Variants in RBFOX3 observed in about 807,000 individuals in gnomAD.
The protein encoded by RBFOX3 is RNA binding protein fox-1 homolog 3.
RBFOX3 carries 17 observed loss-of-function variants against 48.7 expected under a neutral mutation model. The ratio of observed to expected loss-of-function variants is 0.35; its 90% CI spans 0.24 to 0.52. The LOEUF is 0.52. Among genes scored for constraint, RBFOX3 ranks in the 20% least tolerant of loss-of-function variants. RBFOX3 has a pLI of 0.94. For missense variants in RBFOX3, 382 were observed against 497.5 expected (o/e 0.77, Z 2.21); for synonymous variants, 212 against 209.5 (o/e 1.01, Z -0.10).
chr17:79,618,764 T>C, the RBFOX3 span, among the ~76,000 whole-genome samples: 1 of 152,160 alleles, frequency 6.6e-6, no homozygotes, highest in African/African-American at 2.4e-5. Flanking sequence ...GTGTTTACAA[T>C]TGTGTAGGCA....
chr17:79,337,398 C>G (rs553636319), intron 2 of RBFOX3, among the ~76,000 whole-genome samples: 2 of 149,426 alleles, frequency 1.3e-5, no homozygotes, highest in Non-Finnish European at 2.9e-5. Flanking sequence ...AATGCACTCT[C>G]GTGTGTTTGC....
chr17:79,190,594 A>G (rs2146456230), intron 4 of RBFOX3, among the ~76,000 whole-genome samples: 1 of 151,934 alleles, frequency 6.6e-6, no homozygotes. Context: ...GAAGCTCTCC[A>G]CTGGGGGAGA....
chr17:79,605,247 G>T (rs2093800002), intron 1 of RBFOX3, among the ~76,000 whole-genome samples: 1 of 152,250 alleles, frequency 6.6e-6, no homozygotes, highest in African/African-American at 2.4e-5. Context: ...TGGCACACAG[G>T]ATTCTCCGCT....
intron 2 of RBFOX3, among the ~76,000 whole-genome samples, chr17:79,439,980 T>C (rs1447042273): frequency 6.6e-6 from 1 of 152,156 alleles, no homozygotes; most frequent in African/African-American, 2.4e-5. Context: ...GACGCAGGAA[T>C]GGCATCAAGC....
intron 4 of RBFOX3, among the ~76,000 whole-genome samples, chr17:79,187,814 G>A (rs1180771640): frequency 2.0e-5 from 3 of 152,114 alleles, no homozygotes; most frequent in African/African-American, 7.2e-5. Flanking sequence ...GACACCACGG[G>A]GCAAGGTCAG....
At chr17:79,245,116 C>T (rs971760005) in intron 3 of RBFOX3, among the ~76,000 whole-genome samples, 2 of 150,290 alleles carry the variant, frequency 1.3e-5, no homozygotes, top group African/African-American at 4.9e-5. Context: ...CACTCTGTTG[C>T]TCAGGCTGGA....
At chr17:79,104,925 C>CGGTGACCTGAACCCAGGCCCTGCCTG (rs1555688509) in intron 6 of RBFOX3, among the ~76,000 whole-genome samples, 2 of 2,448 alleles carry the variant, frequency 8.2e-4, no homozygotes, top group Non-Finnish European at 3.4e-3. Context: ...TGCTGAGCAA[C>CGGTGACCTGAACCCAGGCCCTGCCTG]TGTTCAGGTC....
chr17:79,356,379 T>TTGTTTTTG (rs2085119285), intron 2 of RBFOX3, among the ~76,000 whole-genome samples: 2 of 107,094 alleles, frequency 1.9e-5, no homozygotes, highest in East Asian at 3.0e-4. Context: ...TTTTTTTTTT[T>TTGTTTTTG]TTTTTTTGAG....
chr17:79,112,386 G>A (rs1015838457), intron 5 of RBFOX3, among the ~76,000 whole-genome samples: 1 of 152,154 alleles, frequency 6.6e-6, no homozygotes. Context: ...GGATGAACAC[G>A]GACTTCCCAC....
intron 1 of RBFOX3, among the ~76,000 whole-genome samples, chr17:79,586,208 G>C (rs1463515632): frequency 2.6e-5 from 4 of 152,204 alleles, no homozygotes; most frequent in African/African-American, 4.8e-5. Flanking sequence ...CCCCATTCCA[G>C]GTGGGGCCTC....
At chr17:79,272,587 C>T (rs1228484624) in intron 3 of RBFOX3, among the ~76,000 whole-genome samples, 1 of 152,184 alleles carries the variant, frequency 6.6e-6, no homozygotes, top group African/African-American at 2.4e-5. Flanking sequence ...CCTTCGTTTC[C>T]TGAGGAGGGG....
chr17:79,090,803 TTTTG>T lies in RBFOX3; in HGVS notation c.*76_*79del. ...TTGTTGCTTGGATCTTAACATCTTT[TTTTG>T]TTTTTTTTGTTTTGTGATTTTTTTT... On this transcript the variant is annotated 3_prime_UTR_variant, in exon 15 of 15. Coordinates refer to ENST00000693108, the MANE Select transcript of RBFOX3 (RefSeq NM_001350451.2). The T allele has an allele frequency of 1.4e-6, 2 of 1,450,784 alleles. No homozygotes were observed. Among genetic ancestry groups the T allele is most frequent in the Non-Finnish European group, 1.8e-6 (2 of 1,082,490 alleles). The allele number at this position is 1,450,784 out of a possible 1,614,324, so 89.9% of individuals were successfully genotyped here. A position where few individuals can be genotyped will look rare whatever the true frequency, so the allele number is the denominator to read the frequency against.
chr17:79,093,203 G>A (rs1414018540), intron 14 of RBFOX3, among the ~76,000 whole-genome samples: 11 of 152,134 alleles, frequency 7.2e-5, no homozygotes, highest in Non-Finnish European at 1.5e-4. Context: ...TGGGGAGAGC[G>A]GGTCCTGGAT....
chr17:79,594,861 G>A (rs947900021), intron 1 of RBFOX3, among the ~76,000 whole-genome samples: 5 of 152,060 alleles, frequency 3.3e-5, no homozygotes, highest in African/African-American at 7.2e-5. Flanking sequence ...GGCATGCCCC[G>A]GAAGCCACCC....
intron 2 of RBFOX3, among the ~76,000 whole-genome samples, chr17:79,343,507 A>G (rs777160668): frequency 5.3e-5 from 8 of 152,062 alleles, no homozygotes; most frequent in African/African-American, 7.3e-5. Flanking sequence ...ACAGAGTGAG[A>G]CTCGGTCTCA....
chr17:79,582,355 T>C (rs887110132), intron 1 of RBFOX3, among the ~76,000 whole-genome samples: 2 of 152,226 alleles, frequency 1.3e-5, no homozygotes. Flanking sequence ...TGTGTGTGTG[T>C]GCAAGTGTCT....
At chr17:79,105,098 C>T (rs1340409413) in intron 6 of RBFOX3, among the ~76,000 whole-genome samples, 1 of 152,256 alleles carries the variant, frequency 6.6e-6, no homozygotes, top group Admixed American at 6.5e-5. Flanking sequence ...GTCCTGAAGC[C>T]TGCAGTGCAG....
chr17:79,587,104 A>C (rs1364103791), intron 1 of RBFOX3, among the ~76,000 whole-genome samples: 1 of 152,226 alleles, frequency 6.6e-6, no homozygotes, highest in African/African-American at 2.4e-5. Flanking sequence ...AGCCAGAGTA[A>C]CTGGTGGGCG....
chr17:79,588,444 G>A (rs1005695554), intron 1 of RBFOX3, among the ~76,000 whole-genome samples: 8 of 152,100 alleles, frequency 5.3e-5, no homozygotes, highest in African/African-American at 1.4e-4. Flanking sequence ...GGAGCCGAGC[G>A]CAGACCTTGC....
Sources: allele counts gnomAD v4.1 joint callset (sites outside exome capture counted in the v4.1 genomes callset), GRCh38; gene constraint gnomAD v4.1.1; transcripts MANE v1.5; gene names NCBI Gene and HGNC (gene_info 2026-07-23, HGNC 2026-07-21).